ADAMTSL1: variants seen among roughly 807,000 people sequenced by gnomAD.
The protein encoded by ADAMTSL1 is ADAMTS like 1.
A neutral mutation model predicts 201.8 loss-of-function variants in ADAMTSL1; 126 were observed. The observed-to-expected ratio is 0.62, with a 90% confidence interval of 0.54 to 0.72. ADAMTSL1 has a LOEUF of 0.72. Among genes scored for constraint, ADAMTSL1 ranks in the 30% least tolerant of loss-of-function variants. The pLI is 0.00. For synonymous variants in ADAMTSL1, 1,121 were observed against 903.4 expected, an observed-to-expected ratio of 1.24 and a Z score of -4.32; for missense variants, 2,679 against 2,277.8, an observed-to-expected ratio of 1.18 and a Z score of -3.59.
Position 18,099,355 on chromosome 9 carries a change from ATTTT to A in ADAMTSL1, c.88-64493_88-64490del, listed in dbSNP as rs397893715. On this transcript the variant is annotated intron_variant, in intron 1 of 29. Transcript: ENST00000680146. ...TATATATATATATATATATATATAT[ATTTT>A]TTTTTTTTTTTTTAACATCCATTAA... Among the ~76,000 whole-genome samples the A allele has an allele frequency of 9.4e-3, 428 of 45,466 alleles. 21 individuals carry two copies. Among genetic ancestry groups the A allele is most frequent in the African/African-American group, 0.029 (361 of 12,290 alleles). The allele number at this position is 45,466 out of a possible 152,430, so 29.8% of individuals were successfully genotyped here. A position where few individuals can be genotyped will look rare whatever the true frequency, so the allele number is the denominator to read the frequency against.
At chr9:18,667,954 A>C (rs1354305880) in intron 9 of ADAMTSL1, among the ~76,000 whole-genome samples, 1 of 152,174 alleles carries the variant, frequency 6.6e-6, no homozygotes, top group African/African-American at 2.4e-5. Context: ...GTCTCAGTTC[A>C]CAAGTGTCTG....
intron 2 of ADAMTSL1, among the ~76,000 whole-genome samples, chr9:18,176,208 T>C (rs965080121): frequency 2.0e-5 from 3 of 152,078 alleles, no homozygotes; most frequent in African/African-American, 7.2e-5. Context: ...TTTATACATA[T>C]AGATCATTTG....
intron 1 of ADAMTSL1, among the ~76,000 whole-genome samples, chr9:17,960,088 C>G (rs79727780): frequency 0.014 from 2,147 of 152,246 alleles, 64 homozygotes; most frequent in African/African-American, 0.049. Context: ...CTTCATGATC[C>G]TTAGCTCCTT....
At chr9:18,615,800 C>T (rs1041688406) in intron 4 of ADAMTSL1, among the ~76,000 whole-genome samples, 2 of 152,104 alleles carry the variant, frequency 1.3e-5, no homozygotes, top group Non-Finnish European at 1.5e-5. Context: ...CTATTGGATT[C>T]GGCTTCTAGA....
intron 2 of ADAMTSL1, among the ~76,000 whole-genome samples, chr9:18,447,395 A>G (rs538078274): frequency 1.3e-5 from 2 of 152,312 alleles, no homozygotes; most frequent in African/African-American, 4.8e-5. Flanking sequence ...CAGTGCCGGT[A>G]GGACTGGCTT....
At chr9:18,856,179 T>C (rs1355154646) in intron 23 of ADAMTSL1, among the ~76,000 whole-genome samples, 2 of 152,138 alleles carry the variant, frequency 1.3e-5, no homozygotes, top group Admixed American at 6.5e-5. Context: ...CCAAAAATGG[T>C]ATAACTGCCG....
chr9:18,876,266 C>G (rs1028545323), intron 23 of ADAMTSL1, among the ~76,000 whole-genome samples: 36 of 144,796 alleles, frequency 2.5e-4, no homozygotes, highest in African/African-American at 8.1e-4. Flanking sequence ...AGGTGTGGTA[C>G]TATTCTATTT....
At chr9:17,926,432 T>C (rs1420264529) in intron 1 of ADAMTSL1, among the ~76,000 whole-genome samples, 1 of 151,396 alleles carries the variant, frequency 6.6e-6, no homozygotes, top group Non-Finnish European at 1.5e-5. Context: ...CAGGAACGCT[T>C]GGCTCACTGG....
At chr9:18,640,493 G>C (rs1424749066) in intron 7 of ADAMTSL1, among the ~76,000 whole-genome samples, 1 of 151,962 alleles carries the variant, frequency 6.6e-6, no homozygotes. Context: ...TATATAACTG[G>C]ATTCAAGCAA....
intron 1 of ADAMTSL1, among the ~76,000 whole-genome samples, chr9:17,947,523 A>G (rs1216173898): frequency 6.6e-6 from 1 of 152,142 alleles, no homozygotes; most frequent in Non-Finnish European, 1.5e-5. Context: ...TATCACAAAA[A>G]CAAATACATT....
intron 1 of ADAMTSL1, among the ~76,000 whole-genome samples, chr9:17,952,864 G>T (rs1007062836): frequency 6.6e-6 from 1 of 151,752 alleles, no homozygotes; most frequent in Non-Finnish European, 1.5e-5. Context: ...AAATCTGTAC[G>T]CTATGAGATA....
At chr9:18,185,546 T>C (rs1828695186) in intron 2 of ADAMTSL1, among the ~76,000 whole-genome samples, 1 of 152,172 alleles carries the variant, frequency 6.6e-6, no homozygotes, top group African/African-American at 2.4e-5. Flanking sequence ...TTATGCAGCA[T>C]GGAAAACTAA....
intron 1 of ADAMTSL1, among the ~76,000 whole-genome samples, chr9:18,002,996 T>C (rs1361775528): frequency 6.6e-6 from 1 of 152,072 alleles, no homozygotes; most frequent in African/African-American, 2.4e-5. Flanking sequence ...TTGCTCATCA[T>C]CACATAACCT....
intron 26 of ADAMTSL1, among the ~76,000 whole-genome samples, chr9:18,899,182 G>T (rs10811057): frequency 0.098 from 14,854 of 152,120 alleles, 849 homozygotes; most frequent in East Asian, 0.19. Flanking sequence ...AATCATGAAT[G>T]AACTCCCATT....
intron 1 of ADAMTSL1, among the ~76,000 whole-genome samples, chr9:18,504,116 C>G (rs1199843398): frequency 2.0e-5 from 3 of 151,980 alleles, no homozygotes; most frequent in Non-Finnish European, 4.4e-5. Context: ...AACTTGTACC[C>G]AAACTCAGAT....
chr9:18,223,614 C>T (rs1221820889), intron 2 of ADAMTSL1, among the ~76,000 whole-genome samples: 1 of 151,998 alleles, frequency 6.6e-6, no homozygotes, highest in Non-Finnish European at 1.5e-5. Flanking sequence ...TTCAAATATG[C>T]TTAGTTAGTT....
intron 1 of ADAMTSL1, among the ~76,000 whole-genome samples, chr9:18,477,878 A>G (rs948020150): frequency 1.3e-5 from 2 of 152,152 alleles, no homozygotes; most frequent in Non-Finnish European, 2.9e-5. Context: ...GTTGCTTCAT[A>G]TAAGTTGAGG....
At chr9:17,923,610 C>G (rs1490544014) in intron 1 of ADAMTSL1, among the ~76,000 whole-genome samples, 101 of 137,128 alleles carry the variant, frequency 7.4e-4, no homozygotes, top group Middle Eastern at 3.9e-3. Context: ...ATTGAATACC[C>G]TTTATTTCCT....
intron 4 of ADAMTSL1, among the ~76,000 whole-genome samples, chr9:18,617,321 C>T (rs754068615): frequency 6.6e-6 from 1 of 152,158 alleles, no homozygotes. Flanking sequence ...TTTTATTAAA[C>T]ATATTTCAGT....
Sources: gnomAD v4.1 joint callset for allele counts (sites outside exome capture counted in the v4.1 genomes callset) on GRCh38, gnomAD v4.1.1 for gene constraint, MANE v1.5 for transcripts, NCBI Gene and HGNC (gene_info 2026-07-23, HGNC 2026-07-21) for gene names.